The following CTNNBL1 variants were observed in gnomAD, a reference collection of about 807,000 sequenced individuals.
The protein encoded by CTNNBL1 is beta-catenin-like protein 1.
A neutral mutation model predicts 72.7 loss-of-function variants in CTNNBL1; 31 were observed. The observed-to-expected ratio is 0.43, with a 90% CI of 0.32 to 0.58. The LOEUF (loss-of-function observed/expected upper bound fraction) is 0.58. Among genes scored for constraint, CTNNBL1 ranks in the 20% least tolerant of loss-of-function variants. The pLI, the probability that CTNNBL1 is intolerant of heterozygous loss-of-function variation, is 0.08. For synonymous variants in CTNNBL1, 240 were observed against 267.3 expected (o/e 0.90, Z 1.00); for missense variants, 534 against 725.1 (o/e 0.74, Z 3.03).
rs369389460 is a variant in CTNNBL1 at position 37,746,646 on chromosome 20, T to C, written c.466+39T>C. The C allele has an allele frequency of 1.9e-6, 3 of 1,612,666 alleles. No homozygotes were observed. In the African/African-American group the frequency reaches 4.0e-5, roughly 22 times the overall value. On this transcript the variant is annotated intron_variant, in intron 4 of 15. Coordinates refer to ENST00000361383, the MANE Select transcript of CTNNBL1 (RefSeq NM_030877.5). The stretch of plus-strand genomic sequence containing the variant: ...TCTGACCTCAGTAGGAGAGCTGACA[T>C]GGTGGGGAAGTGCTGTTACTCTTTC...
chr20:37,827,260 G>T (rs976029479), intron 11 of CTNNBL1, among the ~76,000 whole-genome samples: 3 of 152,020 alleles, frequency 2.0e-5, no homozygotes, highest in African/African-American at 7.3e-5. Context: ...TTATGAACAG[G>T]GCTGCTATAA....
intron 13 of CTNNBL1, among the ~76,000 whole-genome samples, chr20:37,852,426 G>A (rs2072404350): frequency 1.3e-5 from 2 of 152,192 alleles, no homozygotes; most frequent in South Asian, 4.1e-4. Flanking sequence ...ATTGATGAAA[G>A]GATGAGCTAA....
At chr20:37,821,731 T>G (rs905234212) in intron 11 of CTNNBL1, among the ~76,000 whole-genome samples, 1 of 152,200 alleles carries the variant, frequency 6.6e-6, no homozygotes, top group Non-Finnish European at 1.5e-5. Flanking sequence ...GTAACTTAGA[T>G]CAGATTTTCT....
chr20:37,747,826 C>T (rs2073281389), intron 4 of CTNNBL1, among the ~76,000 whole-genome samples: 1 of 152,110 alleles, frequency 6.6e-6, no homozygotes, highest in Admixed American at 6.5e-5. Flanking sequence ...GTGATTTTGC[C>T]TCAGCCTCTG....
chr20:37,726,446 G>T (rs148051426), intron 1 of CTNNBL1, among the ~76,000 whole-genome samples: 1 of 152,286 alleles, frequency 6.6e-6, no homozygotes, highest in East Asian at 1.9e-4. Flanking sequence ...AAGCCTTGTG[G>T]TCTTGCTCAC....
At chr20:37,823,912 G>A (rs550083606) in intron 11 of CTNNBL1, among the ~76,000 whole-genome samples, 1 of 152,304 alleles carries the variant, frequency 6.6e-6, no homozygotes, top group African/African-American at 2.4e-5. Flanking sequence ...AGAAGACAGT[G>A]AGCAAACCAC....
intron 1 of CTNNBL1, among the ~76,000 whole-genome samples, chr20:37,729,766 C>T (rs998354108): frequency 6.6e-6 from 1 of 152,224 alleles, no homozygotes; most frequent in African/African-American, 2.4e-5. Flanking sequence ...GCCTGCCCTC[C>T]TTTAGGATGA....
At chr20:37,795,530 T>A (rs749089258) in intron 10 of CTNNBL1, among the ~76,000 whole-genome samples, 1 of 152,144 alleles carries the variant, frequency 6.6e-6, no homozygotes, top group African/African-American at 2.4e-5. Context: ...GATGTGTTCA[T>A]TTTTTCCTGT....
At chr20:37,851,008 A>T (rs775226344) in intron 13 of CTNNBL1, among the ~76,000 whole-genome samples, 1 of 152,232 alleles carries the variant, frequency 6.6e-6, no homozygotes, top group Non-Finnish European at 1.5e-5. Context: ...AGATGGAGGC[A>T]TGTGCAAAGA....
At position 37,851,790 on chromosome 20, in the gene CTNNBL1, C is replaced by T. The variant is rs537823283; in HGVS notation, c.1393-8109C>T. Among the ~76,000 whole-genome samples, 93 of 152,280 alleles carry T rather than the reference C, an allele frequency of 6.1e-4. 1 individual carries two copies. The South Asian group carries it at 0.018, about 30-fold the overall frequency. On this transcript the variant is annotated intron_variant, in intron 13 of 15. Coordinates refer to ENST00000361383, the MANE Select transcript of CTNNBL1 (RefSeq NM_030877.5). ...TGAAAGTGCTTAGCACGGTGACTGG[C>T]GCTTAGTAAGGACTCGAGAAATTTC... is the stretch of plus-strand genomic sequence containing the variant.
intron 4 of CTNNBL1, 109 bp from the exon 5 acceptor site, chr20:37,757,450 A>T: frequency 3.0e-6 from 2 of 675,014 alleles, no homozygotes; most frequent in Non-Finnish European, 5.2e-6. Flanking sequence ...GGAGTCTATT[A>T]AAGGTAGATG....
At chr20:37,855,923 G>C (rs996622473) in intron 13 of CTNNBL1, among the ~76,000 whole-genome samples, 2 of 151,186 alleles carry the variant, frequency 1.3e-5, no homozygotes, top group Non-Finnish European at 1.5e-5. Flanking sequence ...TTTCAATACT[G>C]TTTGGCAAAT....
intron 1 of CTNNBL1, among the ~76,000 whole-genome samples, chr20:37,706,339 C>CT (rs34731918): frequency 2.0e-5 from 3 of 152,190 alleles, no homozygotes; most frequent in Non-Finnish European, 4.4e-5. Context: ...CACAGTAGAA[C>CT]TTTTTTCAGA....
intron 11 of CTNNBL1, among the ~76,000 whole-genome samples, chr20:37,837,669 A>AG (rs11370714): frequency 0.82 from 124,436 of 152,126 alleles, 50,937 homozygotes; most frequent in Middle Eastern, 0.89. Context: ...AAAGTGCAAA[A>AG]GTATTTGAAG....
Position 37,814,216 on chromosome 20 carries a change from A to G in CTNNBL1, c.1213+11168A>G, listed in dbSNP as rs150787920. 3.7e-3 allele frequency among the ~76,000 whole-genome samples: 568 copies of G among 152,306 alleles called. 5 individuals carry two copies. The highest frequency in any genetic ancestry group is 0.013 in the African/African-American group (535 of 41,562). ...TTTTGGTTTGTTTTGGTTTTTTTAG[A>G]TCATAAATTAAGGTTGCTAACCTGT... On this transcript the variant is annotated intron_variant, in intron 11 of 15. Transcript: ENST00000361383.
chr20:37,774,316 C>T (rs1426809479), intron 7 of CTNNBL1, among the ~76,000 whole-genome samples: 1 of 152,088 alleles, frequency 6.6e-6, no homozygotes, highest in African/African-American at 2.4e-5. Context: ...ATGGTGTTGC[C>T]CAAACCACAT....
At chr20:37,711,011 A>G (rs2072932565) in intron 1 of CTNNBL1, among the ~76,000 whole-genome samples, 1 of 152,122 alleles carries the variant, frequency 6.6e-6, no homozygotes, top group African/African-American at 2.4e-5. Flanking sequence ...GTCTATTATT[A>G]AGGGCTCTGC....
chr20:37,791,387 T>C (rs902487395), intron 10 of CTNNBL1, among the ~76,000 whole-genome samples: 1 of 152,198 alleles, frequency 6.6e-6, no homozygotes, highest in Non-Finnish European at 1.5e-5. Flanking sequence ...TTCCAGTTGC[T>C]GCACATGGAG....
intron 1 of CTNNBL1, among the ~76,000 whole-genome samples, chr20:37,694,689 G>C (rs890396845): frequency 1.8e-4 from 27 of 152,308 alleles, no homozygotes; most frequent in African/African-American, 6.0e-4. Flanking sequence ...TTTAAAGTGT[G>C]GAAAGCTGTG....
Sources: allele counts gnomAD v4.1 joint callset (sites outside exome capture counted in the v4.1 genomes callset), GRCh38; gene constraint gnomAD v4.1.1; transcripts MANE v1.5; gene names NCBI Gene and HGNC (gene_info 2026-07-23, HGNC 2026-07-21).